The following PLA2G4A variants were observed in gnomAD, a reference collection of about 807,000 sequenced individuals.
PLA2G4A encodes the protein cytosolic phospholipase A2.
Under a neutral mutation model 81.9 loss-of-function variants are expected in PLA2G4A, and 40 were observed. That is an observed-to-expected ratio of 0.49 (90% CI 0.38 to 0.64). PLA2G4A has a LOEUF of 0.64. Ranked by LOEUF, PLA2G4A falls within the 30% of genes least tolerant of loss-of-function variation. PLA2G4A has a pLI of 0.00. For missense variants in PLA2G4A, 715 were observed against 905.1 expected (o/e 0.79, Z 2.69); for synonymous variants, 302 against 296.9 (o/e 1.02, Z -0.18).
At chr1:186,954,812 A>G (rs971151597) in intron 13 of PLA2G4A, among the ~76,000 whole-genome samples, 2 of 152,170 alleles carry the variant, frequency 1.3e-5, no homozygotes, top group Non-Finnish European at 2.9e-5. Context: ...ATTACCATAA[A>G]TTATTCTTTG....
intron 7 of PLA2G4A, among the ~76,000 whole-genome samples, chr1:186,928,014 G>A (rs1210544670): frequency 6.6e-6 from 1 of 152,132 alleles, no homozygotes; most frequent in Admixed American, 6.5e-5. Context: ...TGGAGTATAG[G>A]AACATGAACT....
chr1:186,910,565 T>TA lies in PLA2G4A; in HGVS notation c.417-682dup, dbSNP rs1213216710. Among the ~76,000 whole-genome samples the TA allele has an allele frequency of 2.6e-5, 4 of 152,268 alleles. No individual in the cohort carries two copies. The East Asian group carries it at 7.7e-4, about 29-fold the overall frequency. ...TATATTGTATAATAATATGTAGTGATACTCCCATCGTTCTTGCAATGATTC... is the reference window on the plus strand; with the variant it reads ...TATATTGTATAATAATATGTAGTGATAACTCCCATCGTTCTTGCAATGATTC... On this transcript the variant is annotated intron_variant, in intron 6 of 17. Transcript: ENST00000367466.
intron 15 of PLA2G4A, among the ~76,000 whole-genome samples, chr1:186,966,426 A>G (rs1657133287): frequency 6.6e-6 from 1 of 152,096 alleles, no homozygotes; most frequent in South Asian, 2.1e-4. Context: ...ACGCTGGGGG[A>G]AAATGGCAGC....
chr1:186,975,083 G>A (rs932196360), intron 15 of PLA2G4A, among the ~76,000 whole-genome samples: 20 of 152,088 alleles, frequency 1.3e-4, no homozygotes, highest in African/African-American at 4.8e-4. Flanking sequence ...TTGCCCTCAC[G>A]CAATTGCTCC....
intron 7 of PLA2G4A, among the ~76,000 whole-genome samples, chr1:186,931,266 A>G (rs748586176): frequency 2.6e-5 from 4 of 152,132 alleles, no homozygotes; most frequent in Non-Finnish European, 4.4e-5. Context: ...ACATGTACAC[A>G]TATATACACA....
chr1:186,927,127 C>T (rs1655576451), intron 7 of PLA2G4A, among the ~76,000 whole-genome samples: 1 of 152,178 alleles, frequency 6.6e-6, no homozygotes. Flanking sequence ...TGGGCATTCT[C>T]AGGCCTGCTT....
intron 7 of PLA2G4A, among the ~76,000 whole-genome samples, chr1:186,930,168 G>A (rs1279324629): frequency 6.6e-6 from 1 of 152,170 alleles, no homozygotes; most frequent in African/African-American, 2.4e-5. Context: ...AATGTATAAT[G>A]TAAATGCATG....
At chr1:186,915,425 C>T (rs990242966) in intron 7 of PLA2G4A, among the ~76,000 whole-genome samples, 1 of 152,088 alleles carries the variant, frequency 6.6e-6, no homozygotes, top group Admixed American at 6.5e-5. Context: ...CCAGTATCCC[C>T]ACGAGCCAAC....
chr1:186,857,878 T>C (rs1571339775), intron 2 of PLA2G4A, among the ~76,000 whole-genome samples: 3 of 152,238 alleles, frequency 2.0e-5, no homozygotes, highest in Admixed American at 2.0e-4. Context: ...CTGTGTTAGT[T>C]TGCTGACAAT....
intron 17 of PLA2G4A, among the ~76,000 whole-genome samples, chr1:186,986,428 C>A (rs893217340): frequency 7.2e-5 from 11 of 152,008 alleles, no homozygotes; most frequent in Non-Finnish European, 1.3e-4. Flanking sequence ...AAGGAGAAAC[C>A]AATTGATAAA....
chr1:186,983,315 T>C (rs1368970951), intron 17 of PLA2G4A, among the ~76,000 whole-genome samples: 1 of 152,158 alleles, frequency 6.6e-6, no homozygotes, highest in East Asian at 1.9e-4. Flanking sequence ...ACATTGTGAA[T>C]ATAAACTCTT....
At chr1:186,960,025 C>CT (rs1471950701) in intron 14 of PLA2G4A, among the ~76,000 whole-genome samples, 4 of 152,156 alleles carry the variant, frequency 2.6e-5, no homozygotes, top group African/African-American at 9.6e-5. Flanking sequence ...ATCTCTCAAC[C>CT]TAAAATCAGT....
chr1:186,954,142 GTATGTT>G lies in PLA2G4A; in HGVS notation c.1337-1955_1337-1950del, dbSNP rs533759309. Among the ~76,000 whole-genome samples, 430 of 152,280 alleles carry G rather than the reference GTATGTT, an allele frequency of 2.8e-3. 4 individuals are homozygous for G. The highest frequency in any genetic ancestry group is 0.02 in the Middle Eastern group (6 of 294). ...TGCTACTATAAAGACACATGCACATGTATGTTTATGGTGGCGCTATTCATAATAGCA... is the reference window on the plus strand; with the variant it reads ...TGCTACTATAAAGACACATGCACATGTATGGTGGCGCTATTCATAATAGCA... On this transcript the variant is annotated intron_variant, in intron 13 of 17. Transcript: ENST00000367466.
rs532765313 is a variant in PLA2G4A, at chr1:186,904,864, T to G, written c.379-2101T>G. Among the ~76,000 whole-genome samples the G allele has an allele frequency of 8.5e-5, 13 of 152,192 alleles. No homozygotes were observed. In the East Asian group the frequency reaches 2.5e-3, roughly 29 times the overall value. The stretch of plus-strand genomic sequence containing the variant: ...ACAGGCAGGGATATATATATATTTT[T>G]TTTTTTGAGACAGAATTTTCACTCT... On this transcript the variant is annotated intron_variant, in intron 5 of 17. Transcript: ENST00000367466.
chr1:186,896,771 A>T (rs1654346104), intron 5 of PLA2G4A, among the ~76,000 whole-genome samples: 1 of 152,186 alleles, frequency 6.6e-6, no homozygotes, highest in Admixed American at 6.6e-5. Context: ...TTGTCCAAGC[A>T]GGCTTTTCTT....
chr1:186,903,358 CTAA>C (rs1457209390), intron 5 of PLA2G4A, among the ~76,000 whole-genome samples: 1 of 152,084 alleles, frequency 6.6e-6, no homozygotes, highest in Admixed American at 6.5e-5. Flanking sequence ...GAACCCTTTA[CTAA>C]TAGGATAGAT....
intron 15 of PLA2G4A, among the ~76,000 whole-genome samples, chr1:186,966,229 TG>T (rs1657126072): frequency 6.6e-6 from 1 of 150,864 alleles, no homozygotes; most frequent in Admixed American, 6.6e-5. Flanking sequence ...TGTGGGTGGT[TG>T]GGGGTGGGTT....
At chr1:186,888,055 A>G (rs1179290777) in intron 3 of PLA2G4A, among the ~76,000 whole-genome samples, 1 of 152,180 alleles carries the variant, frequency 6.6e-6, no homozygotes, top group Non-Finnish European at 1.5e-5. Flanking sequence ...TTAACTCTGA[A>G]GTCTCTGGCT....
Position 186,868,071 on chromosome 1 carries a change from C to CTTT in PLA2G4A, c.34-2343_34-2341dup, listed in dbSNP as rs59978011. 2.2e-3 allele frequency among the ~76,000 whole-genome samples: 252 copies of CTTT among 112,846 alleles called. 4 individuals carry two copies. Among genetic ancestry groups the CTTT allele is most frequent in the Middle Eastern group, 5.7e-3 (1 of 174 alleles). 74.0% of individuals were successfully genotyped at this position (112,846 alleles called of 152,430 possible). A position where few individuals can be genotyped will look rare whatever the true frequency, so the allele number is the denominator to read the frequency against. ...CCCCGCTTGGTCACGGTGTATAATT[C>CTTT]TTTTTTTTTTTTTTTTTTTTTTTGA... On this transcript the variant is annotated intron_variant, in intron 2 of 17. Coordinates refer to ENST00000367466, the MANE Select transcript of PLA2G4A (RefSeq NM_024420.3).
Sources: gnomAD v4.1 joint callset for allele counts (sites outside exome capture counted in the v4.1 genomes callset) on GRCh38, gnomAD v4.1.1 for gene constraint, MANE v1.5 for transcripts, NCBI Gene and HGNC (gene_info 2026-07-23, HGNC 2026-07-21) for gene names.